The following RNF144A variants were observed in gnomAD, a reference collection of about 807,000 sequenced individuals.
RNF144A encodes the protein E3 ubiquitin-protein ligase RNF144A.
A neutral mutation model predicts 38.7 loss-of-function variants in RNF144A; 11 were observed. That is an observed-to-expected ratio of 0.28 (90% CI 0.18 to 0.47). The LOEUF is 0.47. Ranked by LOEUF, RNF144A falls within the 20% of genes least tolerant of loss-of-function variation. The probability of loss-of-function intolerance (pLI) is 0.99; values close to 1 mark genes in which losing one functional copy is unlikely to be tolerated. For missense variants in RNF144A, 316 were observed against 377.2 expected, an observed-to-expected ratio of 0.84 and a Z score of 1.34; for synonymous variants, 149 against 143.9, an observed-to-expected ratio of 1.04 and a Z score of -0.25.
chr2:6,920,886 C>G (rs1426100380), intron 1 of RNF144A, among the ~76,000 whole-genome samples: 1 of 152,208 alleles, frequency 6.6e-6, no homozygotes, highest in African/African-American at 2.4e-5. Flanking sequence ...CCTGACCCAG[C>G]TGTCTGGCCC....
intron 2 of RNF144A, among the ~76,000 whole-genome samples, chr2:6,965,024 G>A (rs1177453356): frequency 1.3e-5 from 2 of 152,166 alleles, no homozygotes; most frequent in African/African-American, 4.8e-5. Flanking sequence ...ACAGTAGCAA[G>A]GAGTTTAGGT....
chr2:6,996,855 C>T, intron 2 of RNF144A, 61 bp from the exon 3 acceptor site: 1 of 1,558,486 alleles, frequency 6.4e-7, no homozygotes, highest in Non-Finnish European at 8.8e-7. Context: ...AGAACCTTGC[C>T]ACGGAGCAGG....
chr2:6,928,743 G>T (rs1665033405), intron 1 of RNF144A, among the ~76,000 whole-genome samples: 1 of 152,136 alleles, frequency 6.6e-6, no homozygotes, highest in South Asian at 2.1e-4. Flanking sequence ...TTTCTCCACG[G>T]CTGGCTCCAA....
At position 7,040,844 on chromosome 2, in the gene RNF144A, C is replaced by T. The variant is rs1673003266; in HGVS notation, c.*1084C>T. On this transcript the variant is annotated 3_prime_UTR_variant, in exon 9 of 9. Coordinates refer to ENST00000320892, the MANE Select transcript of RNF144A (RefSeq NM_014746.6). ...GAGAAATCATATATCTTACACAGTT[C>T]CAAGTCCTGTTGCTAACCGTTTTGC... 1 of 985,316 alleles carries T rather than the reference C, an allele frequency of 1.0e-6. No individual in the cohort carries two copies. The allele number at this position is 985,316 out of a possible 1,614,324, so 61.0% of individuals were successfully genotyped here.
chr2:6,969,444 C>T (rs1266530067), intron 2 of RNF144A, among the ~76,000 whole-genome samples: 2 of 152,114 alleles, frequency 1.3e-5, no homozygotes, highest in East Asian at 3.9e-4. Context: ...GCAGATCCTT[C>T]CTCCCAGCCT....
At chr2:6,929,514 A>T (rs928512747) in intron 1 of RNF144A, among the ~76,000 whole-genome samples, 11 of 152,134 alleles carry the variant, frequency 7.2e-5, no homozygotes, top group Non-Finnish European at 1.2e-4. Context: ...TTTTATTTTA[A>T]ATAAGGGACA....
At chr2:6,996,714 C>T in intron 2 of RNF144A, 1 of 564,450 alleles carries the variant, frequency 1.8e-6, no homozygotes, top group Middle Eastern at 4.7e-4. Flanking sequence ...GATTGCACCA[C>T]TGTACTCCAA....
intron 2 of RNF144A, among the ~76,000 whole-genome samples, chr2:6,948,144 A>G (rs1666458247): frequency 6.6e-6 from 1 of 152,228 alleles, no homozygotes; most frequent in African/African-American, 2.4e-5. Flanking sequence ...CCCAGCTGCA[A>G]GGAAGACTGG....
intron 8 of RNF144A, among the ~76,000 whole-genome samples, chr2:7,031,632 C>A (rs1672307111): frequency 6.6e-6 from 1 of 152,250 alleles, no homozygotes; most frequent in Non-Finnish European, 1.5e-5. Flanking sequence ...CTCTGAGGCA[C>A]ATGTGTCAGC....
chr2:7,013,085 C>A (rs536102270), intron 3 of RNF144A, among the ~76,000 whole-genome samples: 1 of 152,322 alleles, frequency 6.6e-6, no homozygotes, highest in South Asian at 2.1e-4. Flanking sequence ...CTGGAGTCTT[C>A]AATGAATGAA....
chr2:7,073,080 C>A (rs1674538099), downstream of RNF144A, among the ~76,000 whole-genome samples: 1 of 152,212 alleles, frequency 6.6e-6, no homozygotes, highest in South Asian at 2.1e-4. Context: ...CCCCATCTAC[C>A]CTGGCCGTAC....
intron 2 of RNF144A, among the ~76,000 whole-genome samples, chr2:6,972,210 T>A (rs1248179314): frequency 6.6e-6 from 1 of 152,186 alleles, no homozygotes; most frequent in Non-Finnish European, 1.5e-5. Flanking sequence ...CTCCTCCTCA[T>A]TCCAGGTTTG....
intron 2 of RNF144A, among the ~76,000 whole-genome samples, chr2:6,979,096 T>C (rs1307703299): frequency 2.0e-5 from 3 of 152,132 alleles, no homozygotes; most frequent in African/African-American, 7.2e-5. Flanking sequence ...GGAGTCTAAG[T>C]TCTAGAATAG....
In RNF144A at chr2:6,959,208, A is replaced by G. The variant is rs543149180; in HGVS notation, c.-12+18061A>G. 3.4e-4 allele frequency among the ~76,000 whole-genome samples: 52 copies of G among 152,050 alleles called. No individual in the cohort carries two copies. The South Asian group carries it at 0.011, about 32-fold the overall frequency. ...TTGTCTGCAACTCCAGGGAGTTCTG[A>G]TCTCAGGGTCTCATGAAGCCTTGTA... is the stretch of plus-strand genomic sequence containing the variant. On this transcript the variant is annotated intron_variant, in intron 2 of 8. Transcript: ENST00000320892.
At chr2:7,052,041 AG>A (rs1673547979) in intron 6 of RNF144A, among the ~76,000 whole-genome samples, 1 of 152,190 alleles carries the variant, frequency 6.6e-6, no homozygotes, top group Non-Finnish European at 1.5e-5. Context: ...CCTAATTGGA[AG>A]TAACATAAAT....
At chr2:6,998,627 A>C (rs1669910142) in intron 3 of RNF144A, among the ~76,000 whole-genome samples, 2 of 152,234 alleles carry the variant, frequency 1.3e-5, no homozygotes, top group African/African-American at 2.4e-5. Context: ...AATGTGCCTC[A>C]TTAAAGCACC....
chr2:6,930,229 G>A (rs971683050), intron 1 of RNF144A, among the ~76,000 whole-genome samples: 1 of 152,174 alleles, frequency 6.6e-6, no homozygotes, highest in African/African-American at 2.4e-5. Context: ...TTTGGAGATA[G>A]TGGGCATGGG....
At chr2:6,979,183 T>G (rs946220469) in intron 2 of RNF144A, among the ~76,000 whole-genome samples, 1 of 152,052 alleles carries the variant, frequency 6.6e-6, no homozygotes, top group African/African-American at 2.4e-5. Context: ...TCTGAATGAG[T>G]GGGAGGCGCT....
chr2:6,968,533 C>G (rs1462516263), intron 2 of RNF144A, among the ~76,000 whole-genome samples: 1 of 152,222 alleles, frequency 6.6e-6, no homozygotes, highest in Non-Finnish European at 1.5e-5. Context: ...TGCAGCAGTC[C>G]TGGGGGCCTA....
Sources: gnomAD v4.1 joint callset for allele counts (sites outside exome capture counted in the v4.1 genomes callset) on GRCh38, gnomAD v4.1.1 for gene constraint, MANE v1.5 for transcripts, NCBI Gene and HGNC (gene_info 2026-07-23, HGNC 2026-07-21) for gene names.